Variants in NCKAP5 observed in about 807,000 individuals in gnomAD.
NCKAP5 encodes NCK associated protein 5.
A neutral mutation model predicts 167.0 loss-of-function variants in NCKAP5; 92 were observed. That is an observed-to-expected ratio of 0.55 (90% CI 0.47 to 0.66). The LOEUF (loss-of-function observed/expected upper bound fraction) is 0.66. NCKAP5 is among the 30% of genes least tolerant of loss of function. The pLI is 0.00. For missense variants in NCKAP5, 2,378 were observed against 2,315.0 expected, an observed-to-expected ratio of 1.03 and a Z score of -0.56; for synonymous variants, 891 against 877.4, an observed-to-expected ratio of 1.02 and a Z score of -0.27.
chr2:133,669,819 G>A, the NCKAP5 span, among the ~76,000 whole-genome samples: 1 of 152,128 alleles, frequency 6.6e-6, no homozygotes, highest in African/African-American at 2.4e-5. Flanking sequence ...TGCAGAATTA[G>A]TTTTCTCCTA....
At chr2:132,902,163 TG>T (rs1558921362) in intron 8 of NCKAP5, among the ~76,000 whole-genome samples, 1 of 152,220 alleles carries the variant, frequency 6.6e-6, no homozygotes, top group Non-Finnish European at 1.5e-5. Flanking sequence ...TCCATTTGTC[TG>T]TACTGGAATG....
At chr2:133,540,872 G>A (rs1686167461) in intron 2 of NCKAP5, among the ~76,000 whole-genome samples, 1 of 148,388 alleles carries the variant, frequency 6.7e-6, no homozygotes, top group Non-Finnish European at 1.5e-5. Flanking sequence ...GGAGGTGGAG[G>A]TGCAGCAAGC....
chr2:133,098,647 T>C (rs2081413647), intron 6 of NCKAP5, among the ~76,000 whole-genome samples: 1 of 152,216 alleles, frequency 6.6e-6, no homozygotes, highest in South Asian at 2.1e-4. Context: ...ATGTAACTAA[T>C]AGCAGATGAT....
chr2:132,981,168 C>T lies in NCKAP5; in HGVS notation c.429+12984G>A, dbSNP rs2077129295. 1.3e-5 allele frequency among the ~76,000 whole-genome samples: 2 copies of T among 152,170 alleles called. 1 individual carries two copies. Among genetic ancestry groups the T allele is most frequent in the South Asian group, 4.1e-4 (2 of 4,828 alleles). On this transcript the variant is annotated intron_variant, in intron 7 of 19. Transcript: ENST00000409261. ...GTGGGAACTTGAGAGCTGTTTGTTACAAAACAATGGAATCATCATGAATGA... is the reference window on the plus strand; with the variant it reads ...GTGGGAACTTGAGAGCTGTTTGTTATAAAACAATGGAATCATCATGAATGA...
the NCKAP5 span, among the ~76,000 whole-genome samples, chr2:133,616,633 C>G: frequency 6.6e-6 from 1 of 151,100 alleles, no homozygotes; most frequent in East Asian, 1.9e-4. Context: ...AGACCAATAA[C>G]AGGAGCTGAA....
the NCKAP5 span, among the ~76,000 whole-genome samples, chr2:133,583,957 TG>T: frequency 6.6e-6 from 1 of 152,170 alleles, no homozygotes; most frequent in African/African-American, 2.4e-5. Context: ...GGTTTCACCG[TG>T]TTAGCCAGGA....
chr2:132,799,144 C>T (rs1171746566), intron 11 of NCKAP5, among the ~76,000 whole-genome samples: 1 of 152,096 alleles, frequency 6.6e-6, no homozygotes, highest in East Asian at 1.9e-4. Context: ...TGAATTAATT[C>T]AGAAATAGAA....
chr2:133,168,027 G>T (rs984638534), intron 5 of NCKAP5, among the ~76,000 whole-genome samples: 1 of 151,988 alleles, frequency 6.6e-6, no homozygotes, highest in South Asian at 2.1e-4. Context: ...TATTTTAAGC[G>T]CTTTATATGA....
chr2:132,712,404 C>G (rs1040629965), intron 19 of NCKAP5, among the ~76,000 whole-genome samples: 34 of 152,160 alleles, frequency 2.2e-4, no homozygotes, highest in African/African-American at 8.0e-4. Context: ...GTAATCCCAG[C>G]ACTTTGGGAG....
intron 3 of NCKAP5, among the ~76,000 whole-genome samples, chr2:133,461,574 C>T (rs1428911185): frequency 1.3e-5 from 2 of 152,132 alleles, no homozygotes; most frequent in Non-Finnish European, 2.9e-5. Context: ...AGCAATTGCT[C>T]CACCATCCCC....
intron 3 of NCKAP5, among the ~76,000 whole-genome samples, chr2:133,352,383 G>T (rs140123104): frequency 6.6e-6 from 1 of 152,338 alleles, no homozygotes; most frequent in African/African-American, 2.4e-5. Context: ...CATCTTGAAT[G>T]AATACACAAA....
At chr2:133,447,160 C>CAATT (rs1451060386) in intron 3 of NCKAP5, among the ~76,000 whole-genome samples, 1 of 152,132 alleles carries the variant, frequency 6.6e-6, no homozygotes, top group Non-Finnish European at 1.5e-5. Context: ...TACCCGCCAT[C>CAATT]AATTCACTGC....
At chr2:133,614,116 C>G in the NCKAP5 span, among the ~76,000 whole-genome samples, 3 of 152,216 alleles carry the variant, frequency 2.0e-5, no homozygotes, top group African/African-American at 7.2e-5. Flanking sequence ...ATCCGCAGAG[C>G]CTTTGAAGAA....
intron 3 of NCKAP5, among the ~76,000 whole-genome samples, chr2:133,429,162 G>A (rs1689998504): frequency 6.6e-6 from 1 of 152,116 alleles, no homozygotes. Context: ...TTATACAGGA[G>A]TTACAAAGGG....
At chr2:133,515,318 T>C (rs890419986) in intron 3 of NCKAP5, among the ~76,000 whole-genome samples, 1 of 152,206 alleles carries the variant, frequency 6.6e-6, no homozygotes, top group Non-Finnish European at 1.5e-5. Flanking sequence ...TGTAGTAACT[T>C]GGCCTAAGTG....
chr2:132,709,112 T>C (rs546564225), intron 19 of NCKAP5, among the ~76,000 whole-genome samples: 26 of 152,220 alleles, frequency 1.7e-4, no homozygotes, highest in African/African-American at 6.3e-4. Flanking sequence ...CTACACATTC[T>C]TTTGGGTTTT....
At chr2:133,409,683 G>C (rs1270829716) in intron 3 of NCKAP5, among the ~76,000 whole-genome samples, 2 of 152,186 alleles carry the variant, frequency 1.3e-5, no homozygotes, top group Non-Finnish European at 2.9e-5. Context: ...ATCAAGGGAT[G>C]TGTGTGCATG....
At chr2:133,179,048 G>C (rs568472142) in intron 5 of NCKAP5, among the ~76,000 whole-genome samples, 2 of 152,120 alleles carry the variant, frequency 1.3e-5, no homozygotes, top group Admixed American at 1.3e-4. Context: ...TCAGCATGTA[G>C]ACCTAGCTAC....
chr2:133,402,082 T>A (rs888047047), intron 3 of NCKAP5, among the ~76,000 whole-genome samples: 51 of 137,910 alleles, frequency 3.7e-4, no homozygotes, highest in Non-Finnish European at 7.0e-4. Flanking sequence ...CTTCCTAAAT[T>A]AATAATCTCT....
Sources: allele counts gnomAD v4.1 joint callset (sites outside exome capture counted in the v4.1 genomes callset), GRCh38; gene constraint gnomAD v4.1.1; transcripts MANE v1.5; gene names NCBI Gene and HGNC (gene_info 2026-07-23, HGNC 2026-07-21).